The following RFPL2 variants were observed in gnomAD, a reference collection of about 807,000 sequenced individuals.
The protein encoded by RFPL2 is ret finger protein like 2.
In RFPL2, 13 loss-of-function variants were observed where a neutral mutation model predicts 17.8. The observed-to-expected ratio is 0.73, with a 90% CI of 0.47 to 1.16. RFPL2 has a LOEUF of 1.16. Among genes scored for constraint, RFPL2 ranks in the 50% most tolerant of loss-of-function variants. The pLI is 0.00. For synonymous variants in RFPL2, 189 were observed against 180.9 expected, an observed-to-expected ratio of 1.04 and a Z score of -0.36; for missense variants, 431 against 479.3, an observed-to-expected ratio of 0.90 and a Z score of 0.94.
chr22:32,200,829 C>T (rs1028882638), intron 2 of RFPL2, among the ~76,000 whole-genome samples: 4 of 152,132 alleles, frequency 2.6e-5, no homozygotes, highest in African/African-American at 4.8e-5. Flanking sequence ...GTCCAGGACA[C>T]TGCAGCACCA....
chr22:32,191,213 G>C lies in RFPL2; in HGVS notation c.696C>G (p.Gly232=). 1 of 1,613,954 alleles carries C rather than the reference G, an allele frequency of 6.2e-7. No individual in the cohort carries two copies. Among genetic ancestry groups the C allele is most frequent in the Non-Finnish European group, 8.5e-7 (1 of 1,179,874 alleles). ...GGCGGCCACAGGTAAAGCGAGGGGA[G>C]CCCAGGATGCAAACGGACACGTCAA... ...ERFDVSVCIL[G]SPRFTCGRHC... The change falls in exon 5 of 5, where the codon GGC becomes GGG. Residue 232 remains glycine, a synonymous_variant. Coordinates refer to ENST00000652607, the MANE Select transcript of RFPL2 (RefSeq NM_001394555.1).
intron 1 of RFPL2, 132 bp from the exon 2 acceptor site, chr22:32,202,682 G>A (rs1159501428): frequency 7.4e-7 from 1 of 1,347,094 alleles, no homozygotes; most frequent in African/African-American, 1.5e-5. Context: ...AGCGCAAGCT[G>A]GCCAGGAACT....
intron 4 of RFPL2, among the ~76,000 whole-genome samples, chr22:32,192,497 G>T (rs1922780107): frequency 6.6e-6 from 1 of 152,130 alleles, no homozygotes; most frequent in South Asian, 2.1e-4. Flanking sequence ...GAATTACCAG[G>T]CCCATTTTAA....
intron 2 of RFPL2, among the ~76,000 whole-genome samples, chr22:32,195,355 G>A (rs1000461985): frequency 6.6e-6 from 1 of 152,066 alleles, no homozygotes; most frequent in Non-Finnish European, 1.5e-5. Flanking sequence ...CAGTTGACAT[G>A]TAATAATTGT....
chr22:32,203,883 T>C lies in RFPL2; in HGVS notation c.-100+824A>G, dbSNP rs554671678. On this transcript the variant is annotated intron_variant, in intron 1 of 4. Transcript: ENST00000652607. ...CCCAACCCTCCCCCGCCATGAGCAA[T>C]GCAACACGCACTACTGCTCCTTACA... Among the ~76,000 whole-genome samples the C allele has an allele frequency of 8.6e-3, 1,178 of 137,514 alleles. 18 individuals carry two copies. Among genetic ancestry groups the C allele is most frequent in the African/African-American group, 0.032 (1,133 of 35,940 alleles). 90.2% of individuals were successfully genotyped at this position (137,514 alleles called of 152,430 possible). A position where few individuals can be genotyped will look rare whatever the true frequency, so the allele number is the denominator to read the frequency against.
chr22:32,201,856 C>T (rs554950739), intron 2 of RFPL2, among the ~76,000 whole-genome samples: 24 of 152,234 alleles, frequency 1.6e-4, no homozygotes, highest in South Asian at 6.2e-4. Context: ...AGGGAGGGGC[C>T]GAGGGGCATC....
At chr22:32,198,141 C>T (rs1923540085) in intron 2 of RFPL2, among the ~76,000 whole-genome samples, 2 of 152,114 alleles carry the variant, frequency 1.3e-5, no homozygotes, top group African/African-American at 2.4e-5. Context: ...AGGATGCCTC[C>T]CTGCTCTTGC....
intron 2 of RFPL2, among the ~76,000 whole-genome samples, chr22:32,201,902 GC>G: frequency 6.6e-6 from 1 of 152,142 alleles, no homozygotes; most frequent in Admixed American, 6.5e-5. Context: ...TGTTTGACTT[GC>G]CCATGGCCAC....
chr22:32,195,308 G>A (rs1158118126), intron 2 of RFPL2, among the ~76,000 whole-genome samples: 1 of 152,110 alleles, frequency 6.6e-6, no homozygotes, highest in Non-Finnish European at 1.5e-5. Flanking sequence ...AGACACTCAG[G>A]TCTTGTTTTG....
chr22:32,203,331 G>A, intron 1 of RFPL2: 1 of 154,656 alleles, frequency 6.5e-6, no homozygotes. Context: ...CCAGCCTCGG[G>A]CAGTGACGCC....
At chr22:32,203,782 C>A (rs1924229154) in intron 1 of RFPL2, among the ~76,000 whole-genome samples, 1 of 151,500 alleles carries the variant, frequency 6.6e-6, no homozygotes, top group African/African-American at 2.4e-5. Context: ...GCGACCAGTG[C>A]AGCCATGGAT....
At chr22:32,197,130 TACTC>T (rs1317468121) in intron 2 of RFPL2, among the ~76,000 whole-genome samples, 3 of 152,216 alleles carry the variant, frequency 2.0e-5, no homozygotes, top group African/African-American at 4.8e-5. Context: ...ACAGGACAGA[TACTC>T]AGGAAGATTT....
chr22:32,195,324 CT>C (rs1050411355), intron 2 of RFPL2, among the ~76,000 whole-genome samples: 21 of 152,042 alleles, frequency 1.4e-4, no homozygotes, highest in Admixed American at 7.2e-4. Context: ...TTTTGGTTTA[CT>C]TTTTTTTCCT....
Position 32,191,099 on chromosome 22 carries a change from C to T in RFPL2, c.810G>A (p.Leu270=), listed in dbSNP as rs5998288. The T allele has an allele frequency of 1.3e-4, 214 of 1,613,952 alleles. 3 individuals are homozygous for T. In the African/African-American group the frequency reaches 2.2e-3, roughly 16 times the overall value. ...ESVHRKGRIQ[L]TTELGFWTVS... is the part of the protein sequence containing the mutation. The stretch of plus-strand genomic sequence containing the variant: ...CAGTCCAGAATCCAAGCTCTGTGGT[C>T]AGCTGGATCCTCCCTTTGCGGTGAA... Residue 270 remains leucine (L), a synonymous_variant, in exon 5 of 5, where the codon CTG becomes CTA. Transcript: ENST00000652607.
intron 2 of RFPL2, among the ~76,000 whole-genome samples, chr22:32,198,734 C>G (rs1238205790): frequency 2.0e-5 from 3 of 151,978 alleles, no homozygotes; most frequent in African/African-American, 7.3e-5. Flanking sequence ...AAGACCTCTC[C>G]CCTCCCTGTT....
intron 2 of RFPL2, among the ~76,000 whole-genome samples, 165 bp from the exon 3 acceptor site, chr22:32,194,655 GC>G (rs1923133299): frequency 6.6e-6 from 1 of 152,138 alleles, no homozygotes; most frequent in African/African-American, 2.4e-5. Flanking sequence ...AACTTCAAAA[GC>G]TTATTTTAGA....
intron 1 of RFPL2, chr22:32,203,219 C>T (rs990505678): frequency 1.1e-4 from 46 of 416,784 alleles, no homozygotes; most frequent in Non-Finnish European, 1.4e-4. Context: ...GGATAACTCC[C>T]CAAACCCGCT....
intron 1 of RFPL2, among the ~76,000 whole-genome samples, chr22:32,204,188 CATAG>C (rs1245068758): frequency 6.6e-6 from 1 of 150,928 alleles, no homozygotes; most frequent in Non-Finnish European, 1.5e-5. Context: ...CAGTGTAGCC[CATAG>C]ATAGAGCCCC....
At chr22:32,193,355 C>T (rs1030787538) in intron 3 of RFPL2, 163 bp from the exon 4 acceptor site, 14 of 1,559,916 alleles carry the variant, frequency 9.0e-6, no homozygotes, top group Non-Finnish European at 1.1e-5. Context: ...CCCCCCACCC[C>T]CCGTCTTCAG....
Sources: allele counts gnomAD v4.1 joint callset (sites outside exome capture counted in the v4.1 genomes callset), GRCh38; gene constraint gnomAD v4.1.1; transcripts MANE v1.5; gene names NCBI Gene and HGNC (gene_info 2026-07-23, HGNC 2026-07-21).